Variants in ZNF761 observed in about 807,000 individuals in gnomAD.
The protein encoded by ZNF761 is zinc finger protein 761.
A neutral mutation model predicts 59.9 loss-of-function variants in ZNF761; 43 were observed. That is an observed-to-expected ratio of 0.72 (90% CI 0.56 to 0.92). The LOEUF (loss-of-function observed/expected upper bound fraction) is 0.92. ZNF761 is among the 40% of genes least tolerant of loss of function. The pLI is 0.00. For missense variants in ZNF761, 850 were observed against 906.1 expected (o/e 0.94, Z 0.79); for synonymous variants, 294 against 304.8 (o/e 0.96, Z 0.37).
chr19:53,442,586 G>C (rs2086112097), intron 1 of ZNF761: 11 of 621,540 alleles, frequency 1.8e-5, no homozygotes, highest in Non-Finnish European at 3.3e-5. Flanking sequence ...ACCAGACTTT[G>C]CTTGACCTGA....
At position 53,432,692 on chromosome 19, in the gene ZNF761, AG is replaced by A. The variant is rs1027704868; in HGVS notation, c.-185+665del. ...AGGGATCAGGAGACGGACAGAGAGC[AG>A]TGGAAAACCTGAGACAGAAAAGAAG... On this transcript the variant is annotated intron_variant, in intron 1 of 4. Transcript: ENST00000684525. Among the ~76,000 whole-genome samples the A allele has an allele frequency of 7.3e-4, 111 of 152,250 alleles. 1 individual carries two copies. The highest frequency in any genetic ancestry group is 2.5e-3 in the African/African-American group (105 of 41,556).
chr19:53,444,437 A>G (rs1241753723), intron 1 of ZNF761: 1 of 152,200 alleles, frequency 6.6e-6, no homozygotes, highest in African/African-American at 2.4e-5. Flanking sequence ...AACCTGGCCT[A>G]CATGCACATT....
At chr19:53,453,211 C>T (rs1427607093) in intron 4 of ZNF761, among the ~76,000 whole-genome samples, 1 of 152,050 alleles carries the variant, frequency 6.6e-6, no homozygotes, top group Non-Finnish European at 1.5e-5. Context: ...ACCATGTTGG[C>T]CAAGCTACTC....
intron 3 of ZNF761, 144 bp from the exon 4 acceptor site, chr19:53,449,368 A>G: frequency 6.3e-7 from 1 of 1,597,446 alleles, no homozygotes; most frequent in East Asian, 2.2e-5. Flanking sequence ...CTGGGAAGAC[A>G]AAATGCGGTG....
chr19:53,441,185 G>A (rs2086095740), intron 1 of ZNF761, among the ~76,000 whole-genome samples: 1 of 152,120 alleles, frequency 6.6e-6, no homozygotes, highest in South Asian at 2.1e-4. Flanking sequence ...GGGAGGCTGA[G>A]GCATGAGAAT....
chr19:53,450,959 C>T (rs2086216527), intron 4 of ZNF761, among the ~76,000 whole-genome samples: 1 of 150,598 alleles, frequency 6.6e-6, no homozygotes, highest in South Asian at 2.1e-4. Context: ...CACCACTGCA[C>T]TCCAGCCTGG....
chr19:53,445,203 CTT>C (rs2086144114), intron 1 of ZNF761: 1 of 152,060 alleles, frequency 6.6e-6, no homozygotes, highest in South Asian at 2.1e-4. Context: ...AGCTGACCCT[CTT>C]TCGCTATTTT....
intron 1 of ZNF761, chr19:53,442,428 A>G (rs1431453168): frequency 4.7e-6 from 4 of 854,526 alleles, no homozygotes; most frequent in Non-Finnish European, 8.0e-6. Context: ...GGAAGAGATG[A>G]AGATTCTTAC....
At chr19:53,439,773 C>T (rs1282108773) in intron 1 of ZNF761, among the ~76,000 whole-genome samples, 4 of 152,062 alleles carry the variant, frequency 2.6e-5, no homozygotes, top group East Asian at 1.9e-4. Flanking sequence ...TGTTCTAAGG[C>T]GACTGGCATT....
Position 53,455,512 on chromosome 19 carries a change from T to C in ZNF761, c.1005T>C (p.Phe335=), listed in dbSNP as rs765875711. 6 of 1,612,958 alleles carry C rather than the reference T, an allele frequency of 3.7e-6. No homozygotes were observed. The East Asian group carries it at 1.3e-4, about 36-fold the overall frequency. ...AGTGTAATGAGTGTGGCAAGACCTT[T>C]AGGCAGAAGTCAATCCTTACACGCC... ...PYKCNECGKT[F]RQKSILTRHH... is the part of the protein sequence containing the mutation. The change falls in exon 5 of 5, where the codon TTT becomes TTC. Residue 335 remains phenylalanine (F), a synonymous_variant. Coordinates refer to ENST00000684525, the MANE Select transcript of ZNF761 (RefSeq NM_001289951.2).
intron 1 of ZNF761, among the ~76,000 whole-genome samples, 181 bp downstream of exon 1, chr19:53,432,209 G>C (rs1241959408): frequency 6.6e-6 from 1 of 152,204 alleles, no homozygotes; most frequent in African/African-American, 2.4e-5. Flanking sequence ...GTCCCCCTGA[G>C]GCTGGTCCCG....
In ZNF761 at chr19:53,454,694, C is replaced by T. The variant is rs1448106492; in HGVS notation, c.187C>T (p.Gln63Ter). ...CTMKEFLSTA[Q>*]GNREVFHAGT... ...GATGAAGGAGTTCTTGTCAACAGCG[C>T]AAGGCAACAGAGAAGTGTTCCATGC... Residue 63 changes from glutamine to a stop codon, truncating the protein, a stop_gained, in exon 5 of 5, where the codon CAA becomes TAA. Transcript: ENST00000684525. LOFTEE classifies it high-confidence loss of function. 1 of 1,611,556 alleles carries T rather than the reference C, an allele frequency of 6.2e-7. No homozygotes were observed. Among genetic ancestry groups the T allele is most frequent in the Admixed American group, 1.7e-5 (1 of 59,822 alleles).
In ZNF761 at chr19:53,438,254, A is replaced by G. The variant is rs778550149; in HGVS notation, c.-185+6226A>G. On this transcript the variant is annotated intron_variant, in intron 1 of 4. Coordinates refer to ENST00000684525, the MANE Select transcript of ZNF761 (RefSeq NM_001289951.2). Reference sequence around the variant, plus strand: ...CCTTCTTTGATCCATCAAAGTTATGACTGAATGTGGCACCGGGACAGTTAG... The same window carrying G: ...CCTTCTTTGATCCATCAAAGTTATGGCTGAATGTGGCACCGGGACAGTTAG... 8.5e-5 allele frequency among the ~76,000 whole-genome samples: 13 copies of G among 152,244 alleles called. No homozygotes were observed. In the South Asian group the frequency reaches 2.3e-3, roughly 27 times the overall value.
chr19:53,451,779 G>A (rs1033904127), intron 4 of ZNF761, among the ~76,000 whole-genome samples: 4 of 149,734 alleles, frequency 2.7e-5, no homozygotes, highest in Non-Finnish European at 5.9e-5. Flanking sequence ...TTTAGAAACG[G>A]GGTTTCACCG....
rs763970588 is a variant in ZNF761, at chr19:53,447,275, T to C, written c.7T>C (p.Phe3Leu). The change falls in exon 3 of 5, where the codon TTT becomes CTT. Residue 3 changes from phenylalanine to leucine, a missense_variant. Coordinates refer to ENST00000684525, the MANE Select transcript of ZNF761 (RefSeq NM_001289951.2). ...GAGAGCAAAGGAGTCAGGGATGGCT[T>C]TTTCTCAGGTGAGATGATATTTTCA... MA[F>L]SQGLLTFRDV... 25 of 1,613,062 alleles carry C rather than the reference T, an allele frequency of 1.5e-5. No homozygotes were observed. Among genetic ancestry groups the C allele is most frequent in the Non-Finnish European group, 1.9e-5 (23 of 1,179,588 alleles).
At chr19:53,448,458 A>G (rs2086184028) in intron 3 of ZNF761, among the ~76,000 whole-genome samples, 1 of 152,162 alleles carries the variant, frequency 6.6e-6, no homozygotes, top group Admixed American at 6.5e-5. Flanking sequence ...TTCCAGCCTC[A>G]CTGGGGAGCC....
At position 53,457,140 on chromosome 19, in the gene ZNF761, G is replaced by T; in HGVS notation, c.*392G>T. ...ACTTGTTTACCGTCAGGCAATCCAT[G>T]GTGTAGGGAAACTTTACTAAGGTAA... On this transcript the variant is annotated 3_prime_UTR_variant, in exon 5 of 5. Transcript: ENST00000684525. The T allele has an allele frequency of 1.9e-6, 1 of 520,068 alleles. No homozygotes were observed. Among genetic ancestry groups the T allele is most frequent in the South Asian group, 1.6e-5 (1 of 61,420 alleles). 32.2% of individuals were successfully genotyped at this position (520,068 alleles called of 1,614,324 possible).
intron 4 of ZNF761, among the ~76,000 whole-genome samples, chr19:53,451,131 A>G (rs2086218104): frequency 6.6e-6 from 1 of 152,150 alleles, no homozygotes; most frequent in Non-Finnish European, 1.5e-5. Context: ...TTTTTCTTCT[A>G]AATAGGAAAA....
intron 1 of ZNF761, chr19:53,443,049 T>G: frequency 3.5e-6 from 1 of 283,916 alleles, no homozygotes; most frequent in Non-Finnish European, 6.9e-6. Context: ...TGAAACTAGT[T>G]GCGTCCAGTT....
Sources: allele counts gnomAD v4.1 joint callset (sites outside exome capture counted in the v4.1 genomes callset), GRCh38; gene constraint gnomAD v4.1.1; transcripts MANE v1.5; gene names NCBI Gene and HGNC (gene_info 2026-07-23, HGNC 2026-07-21).